The following COL14A1 variants were observed in gnomAD, a reference collection of about 807,000 sequenced individuals.
COL14A1 encodes the protein collagen type XIV alpha 1 chain, also known as collagen alpha-1(XIV) chain.
In COL14A1, 136 loss-of-function variants were observed where a neutral mutation model predicts 230.3. That is an observed-to-expected ratio of 0.59 (90% confidence interval 0.51 to 0.68). The LOEUF is 0.68. COL14A1 is among the 30% of genes least tolerant of loss of function. The pLI is 0.00. For synonymous variants in COL14A1, 792 were observed against 784.1 expected (o/e 1.01, Z -0.17); for missense variants, 1,976 against 2,215.8 (o/e 0.89, Z 2.17).
chr8:120,154,359 C>T (rs1355705047), intron 2 of COL14A1, among the ~76,000 whole-genome samples: 2 of 152,100 alleles, frequency 1.3e-5, no homozygotes, highest in Admixed American at 6.5e-5. Flanking sequence ...GCCTATGAGC[C>T]TCTATGGGAA....
intron 45 of COL14A1, among the ~76,000 whole-genome samples, chr8:120,347,395 C>T (rs996469463): frequency 2.0e-5 from 3 of 152,082 alleles, no homozygotes; most frequent in Admixed American, 6.5e-5. Context: ...GTGAGAAATG[C>T]CCTTTGAGCA....
intron 5 of COL14A1, among the ~76,000 whole-genome samples, chr8:120,190,311 C>T (rs1021111576): frequency 7.9e-5 from 12 of 152,218 alleles, no homozygotes; most frequent in African/African-American, 1.7e-4. Flanking sequence ...TCGTGTCCTT[C>T]GCCCACTTTT....
At chr8:120,249,111 T>TTC (rs1393682175) in intron 21 of COL14A1, among the ~76,000 whole-genome samples, 2 of 148,310 alleles carry the variant, frequency 1.3e-5, no homozygotes, top group African/African-American at 5.0e-5. Flanking sequence ...TTTTTTTTTT[T>TTC]AGTAGAGACG....
chr8:120,290,632 G>A (rs1354827351), intron 34 of COL14A1, among the ~76,000 whole-genome samples: 1 of 152,216 alleles, frequency 6.6e-6, no homozygotes, highest in Non-Finnish European at 1.5e-5. Flanking sequence ...AGAGCTGGTA[G>A]TTCTCCAAGA....
At chr8:120,371,117 T>G in intron 47 of COL14A1, 35 bp from the exon 48 acceptor site, 1 of 1,527,298 alleles carries the variant, frequency 6.5e-7, no homozygotes, top group Non-Finnish European at 8.9e-7. Context: ...GATTCCTGGG[T>G]GCAGCAAGTC....
chr8:120,257,101 C>T (rs1819179076), intron 23 of COL14A1, among the ~76,000 whole-genome samples: 1 of 152,174 alleles, frequency 6.6e-6, no homozygotes, highest in Non-Finnish European at 1.5e-5. Flanking sequence ...TAATACTGAA[C>T]TGGTCATCTA....
chr8:120,279,343 A>AATATAT (rs556632458), intron 28 of COL14A1, among the ~76,000 whole-genome samples: 13 of 150,658 alleles, frequency 8.6e-5, no homozygotes, highest in African/African-American at 2.5e-4. Flanking sequence ...ATATTGATTG[A>AATATAT]ATGTATATAT....
intron 7 of COL14A1, among the ~76,000 whole-genome samples, chr8:120,198,877 T>C (rs1817132338): frequency 6.6e-6 from 1 of 152,218 alleles, no homozygotes; most frequent in Non-Finnish European, 1.5e-5. Flanking sequence ...AACAATTTAT[T>C]GAACACAAAT....
chr8:120,140,893 GAC>G (rs1284336175), intron 1 of COL14A1, among the ~76,000 whole-genome samples: 1 of 152,158 alleles, frequency 6.6e-6, no homozygotes, highest in African/African-American at 2.4e-5. Flanking sequence ...GTAAAATTAT[GAC>G]AGTGTTTTAA....
chr8:120,124,815 G>A (rs1814264338), upstream of COL14A1, among the ~76,000 whole-genome samples: 3 of 152,190 alleles, frequency 2.0e-5, no homozygotes, highest in African/African-American at 7.2e-5. Flanking sequence ...CCTGGTTTGG[G>A]AGCTTGCAGT....
intron 40 of COL14A1, among the ~76,000 whole-genome samples, chr8:120,318,390 C>T (rs1430651311): frequency 6.6e-6 from 1 of 152,022 alleles, no homozygotes; most frequent in African/African-American, 2.4e-5. Context: ...AGGGTCTTCT[C>T]AGAGACAGTA....
intron 8 of COL14A1, 139 bp downstream of exon 8, chr8:120,199,705 C>T: frequency 1.3e-6 from 1 of 788,764 alleles, no homozygotes; most frequent in South Asian, 2.0e-5. Context: ...CATAGGCAGC[C>T]CTGTGATCTG....
At chr8:120,280,874 C>A in intron 30 of COL14A1, 47 bp from the exon 31 acceptor site, 1 of 1,483,532 alleles carries the variant, frequency 6.7e-7, no homozygotes, top group Non-Finnish European at 9.1e-7. Flanking sequence ...TTCTAAAGTG[C>A]CATATTCCTT....
chr8:120,315,869 C>G (rs1821207110), intron 39 of COL14A1, 75 bp from the exon 40 acceptor site: 1 of 1,484,996 alleles, frequency 6.7e-7, no homozygotes, highest in Non-Finnish European at 9.3e-7. Context: ...AGGCCTTCAT[C>G]TATTTCAGGG....
At chr8:120,153,063 A>G (rs1815343142) in intron 2 of COL14A1, among the ~76,000 whole-genome samples, 2 of 131,984 alleles carry the variant, frequency 1.5e-5, no homozygotes, top group Non-Finnish European at 3.5e-5. Context: ...TCTAAACCAC[A>G]TTAAAAAAAA....
intron 40 of COL14A1, among the ~76,000 whole-genome samples, chr8:120,323,532 G>T (rs1821538151): frequency 6.6e-6 from 1 of 152,052 alleles, no homozygotes. Context: ...TTGTCTTCCA[G>T]GGTTTTTATA....
At chr8:120,193,509 C>A (rs1462770543) in intron 5 of COL14A1, among the ~76,000 whole-genome samples, 3 of 152,222 alleles carry the variant, frequency 2.0e-5, no homozygotes, top group African/African-American at 7.2e-5. Flanking sequence ...CAGGGACCCA[C>A]TTGAGGAGGC....
intron 45 of COL14A1, among the ~76,000 whole-genome samples, chr8:120,356,529 A>C (rs528074573): frequency 6.6e-6 from 1 of 152,224 alleles, no homozygotes; most frequent in Non-Finnish European, 1.5e-5. Flanking sequence ...CATTGATGAC[A>C]TGGTGGTAAA....
chr8:120,227,091 C>G, intron 16 of COL14A1, 129 bp from the exon 17 acceptor site: 1 of 1,035,380 alleles, frequency 9.7e-7, no homozygotes, highest in East Asian at 2.6e-5. Flanking sequence ...CTGGCTTGAC[C>G]TTAAAATGGA....
Sources: allele counts gnomAD v4.1 joint callset (sites outside exome capture counted in the v4.1 genomes callset), GRCh38; gene constraint gnomAD v4.1.1; transcripts MANE v1.5; gene names NCBI Gene and HGNC (gene_info 2026-07-23, HGNC 2026-07-21).